The following CAPN1 variants were observed in gnomAD, a reference collection of about 807,000 sequenced individuals.
CAPN1 encodes the protein calpain 1, also known as calpain-1 catalytic subunit.
CAPN1 carries 77 observed loss-of-function variants against 105.2 expected under a neutral mutation model. The ratio of observed to expected loss-of-function variants is 0.73; its 90% CI spans 0.61 to 0.88. CAPN1 has a LOEUF of 0.88. Among genes scored for constraint, CAPN1 ranks in the 40% least tolerant of loss-of-function variants. CAPN1 has a pLI of 0.00. For missense variants in CAPN1, 833 were observed against 976.6 expected (o/e 0.85, Z 1.96); for synonymous variants, 355 against 388.8 (o/e 0.91, Z 1.02).
chr11:65,182,706 C>G lies in CAPN1; in HGVS notation c.5C>G (p.Ser2Trp), dbSNP rs867375600. The change falls in exon 2 of 22, where the codon TCG (serine) becomes TGG (tryptophan). Residue 2 changes from serine to tryptophan, a missense_variant. Ser to Trp is a radical substitution (Grantham distance 177). Transcript: ENST00000279247. ...CAGGCCCATCTGTCCGGCAGGATGTCGGAGGAGATCATCACGCCGGTGTAC... is the reference window on the plus strand; with the variant it reads ...CAGGCCCATCTGTCCGGCAGGATGTGGGAGGAGATCATCACGCCGGTGTAC... M[S>W]EEIITPVYCT... 4 of 1,561,542 alleles carry G rather than the reference C, an allele frequency of 2.6e-6. No homozygotes were observed. The highest frequency in any genetic ancestry group is 1.4e-5 in the African/African-American group (1 of 73,988).
intron 10 of CAPN1, among the ~76,000 whole-genome samples, chr11:65,198,358 G>A (rs1247838524): frequency 6.6e-6 from 1 of 152,058 alleles, no homozygotes; most frequent in Non-Finnish European, 1.5e-5. Flanking sequence ...TGTTACCCAG[G>A]CTGGTCTCAA....
intron 10 of CAPN1, among the ~76,000 whole-genome samples, chr11:65,204,353 TCTG>T (rs1480036926): frequency 6.6e-6 from 1 of 152,020 alleles, no homozygotes; most frequent in Non-Finnish European, 1.5e-5. Context: ...CCGCCTGGCT[TCTG>T]CTTCTCAGCA....
chr11:65,198,443 G>C (rs543828314), intron 10 of CAPN1, among the ~76,000 whole-genome samples: 28 of 152,270 alleles, frequency 1.8e-4, no homozygotes, highest in Middle Eastern at 3.4e-3. Flanking sequence ...ACTGTGCCCA[G>C]CCCTAATCAA....
At position 65,188,311 on chromosome 11, in the gene CAPN1, C is replaced by T; in HGVS notation, c.930-103C>T. 9.2e-7 allele frequency: 1 copy of T among 1,090,478 alleles called. No individual in the cohort carries two copies. Among genetic ancestry groups the T allele is most frequent in the South Asian group, 1.5e-5 (1 of 68,878 alleles). 67.6% of individuals were successfully genotyped at this position (1,090,478 alleles called of 1,614,324 possible). A position where few individuals can be genotyped will look rare whatever the true frequency, so the allele number is the denominator to read the frequency against. On this transcript the variant is annotated intron_variant, in intron 8 of 21. Transcript: ENST00000279247. This position sits in a 1 kb window ranked among gnomAD's most constrained non-coding sequence, Gnocchi z 5.5. Reference sequence around the variant, plus strand: ...TGGCGCTTGACCTTGAGGAGGCCACCTGGGCTGGGCCGGGGGAAGACAGGC... The same window carrying T: ...TGGCGCTTGACCTTGAGGAGGCCACTTGGGCTGGGCCGGGGGAAGACAGGC...
chr11:65,205,578 C>A, intron 11 of CAPN1, 132 bp from the exon 12 acceptor site: 1 of 860,270 alleles, frequency 1.2e-6, no homozygotes, highest in Non-Finnish European at 1.9e-6. Context: ...GATCTGGGTC[C>A]CCAGGGCCCT....
In CAPN1 at chr11:65,187,287, G is replaced by T; in HGVS notation, c.832G>T (p.Gly278Trp). ...LVKGHAYSVT[G>W]AKQVNYRGQV... ...GAAGGGCCATGCCTACTCTGTGACC[G>T]GGGCCAAGCAGGTACTGCCCTGGGT... is the stretch of plus-strand genomic sequence containing the variant. Residue 278 changes from glycine (G) to tryptophan (W), a missense_variant, in exon 7 of 22, where the codon GGG (glycine) becomes TGG (tryptophan). Physicochemically the swap from Gly to Trp is radical, Grantham distance 184. Coordinates refer to ENST00000279247, the MANE Select transcript of CAPN1 (RefSeq NM_005186.4). The T allele has an allele frequency of 1.2e-6, 2 of 1,611,816 alleles. No individual in the cohort carries two copies. The highest frequency in any genetic ancestry group is 1.7e-6 in the Non-Finnish European group (2 of 1,178,578).
chr11:65,202,647 T>C (rs982020323), intron 10 of CAPN1, among the ~76,000 whole-genome samples: 41 of 151,996 alleles, frequency 2.7e-4, no homozygotes, highest in African/African-American at 8.9e-4. Flanking sequence ...TTCACCACGT[T>C]GGCCAGGCTG....
Position 65,209,663 on chromosome 11 carries a change from A to G in CAPN1, c.1795-186A>G, listed in dbSNP as rs1949014524. On this transcript the variant is annotated intron_variant, in intron 17 of 21. Coordinates refer to ENST00000279247, the MANE Select transcript of CAPN1 (RefSeq NM_005186.4). The surrounding 1 kb of genome is among the most constrained non-coding windows in gnomAD (Gnocchi z 4.1). The stretch of plus-strand genomic sequence containing the variant: ...TTCTGACCCCTCCCCAGCCCACTCC[A>G]CTGCAGCCCAGCTCAGAGAATAAGG... 1.5e-6 allele frequency: 1 copy of G among 661,894 alleles called. No individual in the cohort carries two copies. Among genetic ancestry groups the G allele is most frequent in the African/African-American group, 1.8e-5 (1 of 55,280 alleles). 41.0% of individuals were successfully genotyped at this position (661,894 alleles called of 1,614,324 possible). A position where few individuals can be genotyped will look rare whatever the true frequency, so the allele number is the denominator to read the frequency against.
intron 10 of CAPN1, among the ~76,000 whole-genome samples, chr11:65,193,844 T>G (rs1026919799): frequency 6.6e-6 from 1 of 151,824 alleles, no homozygotes; most frequent in Non-Finnish European, 1.5e-5. Flanking sequence ...ATCCTCTCAC[T>G]TCAGCCTCCC....
intron 10 of CAPN1, among the ~76,000 whole-genome samples, chr11:65,192,628 T>C (rs1461233797): frequency 1.9e-5 from 2 of 103,660 alleles, no homozygotes; most frequent in Non-Finnish European, 4.5e-5. Context: ...TTTTTTCTTT[T>C]TCTTTTTCTT....
chr11:65,196,792 A>C (rs570357015), intron 10 of CAPN1, among the ~76,000 whole-genome samples: 1 of 152,328 alleles, frequency 6.6e-6, no homozygotes, highest in East Asian at 1.9e-4. Context: ...TCATAGTAAA[A>C]AAATGTGACC....
At chr11:65,184,858 T>C (rs898807969) in intron 4 of CAPN1, among the ~76,000 whole-genome samples, 1 of 152,136 alleles carries the variant, frequency 6.6e-6, no homozygotes, top group East Asian at 1.9e-4. Context: ...TGTGCTCTTG[T>C]TTAAGTCTTC....
intron 10 of CAPN1, among the ~76,000 whole-genome samples, chr11:65,197,489 T>A (rs1473292598): frequency 1.3e-5 from 2 of 152,324 alleles, no homozygotes; most frequent in Non-Finnish European, 1.5e-5. Context: ...GTTGAATTTT[T>A]AAAATATATC....
rs2271448 is a variant in CAPN1, at chr11:65,209,953, C to T, written c.1863+36C>T. The T allele has an allele frequency of 0.3, 479,840 of 1,611,128 alleles. 73,283 individuals are homozygous for T. The highest frequency in any genetic ancestry group is 0.43 in the Admixed American group (25,563 of 59,924). ...CCCACTCACCTCAGTCATGCAGGTG[C>T]GGGCCGGGCAGGTGGGAAGGGCCGG... On this transcript the variant is annotated intron_variant, in intron 18 of 21. Coordinates refer to ENST00000279247, the MANE Select transcript of CAPN1 (RefSeq NM_005186.4). The surrounding 1 kb of genome is among the most constrained non-coding windows in gnomAD (Gnocchi z 4.1).
chr11:65,185,697 T>C lies in CAPN1; in HGVS notation c.457-220T>C, dbSNP rs17881673. ...TCTAGAGGTACACATGCATCTAGTA[T>C]GTATCTAGTATATGTGATTTAGTAT... On this transcript the variant is annotated intron_variant, in intron 4 of 21. Transcript: ENST00000279247. Among the ~76,000 whole-genome samples the C allele has an allele frequency of 5.6e-3, 840 of 150,548 alleles. 11 individuals are homozygous for C. Among genetic ancestry groups the C allele is most frequent in the African/African-American group, 0.019 (756 of 40,854 alleles).
chr11:65,186,023 G>C lies in CAPN1; in HGVS notation c.563G>C (p.Ser188Thr). 1 of 1,611,238 alleles carries C rather than the reference G, an allele frequency of 6.2e-7. No individual in the cohort carries two copies. Residue 188 changes from serine to threonine, a missense_variant, in exon 5 of 22, where the codon AGC becomes ACC. Physicochemically the swap from Ser to Thr is moderately conservative, Grantham distance 58. Coordinates refer to ENST00000279247, the MANE Select transcript of CAPN1 (RefSeq NM_005186.4). Reference protein sequence around the residue: ...VHSAEGNEFWSALLEKAYAKV... With the variant: ...VHSAEGNEFWTALLEKAYAKV... ...TCTGCCGAAGGCAACGAGTTCTGGA[G>C]CGCCCTGCTTGAGAAGGCCTATGCC...
At position 65,209,672 on chromosome 11, in the gene CAPN1, C is replaced by A; in HGVS notation, c.1795-177C>A. ...CTCCCCAGCCCACTCCACTGCAGCC[C>A]AGCTCAGAGAATAAGGCAAGCCCGG... On this transcript the variant is annotated intron_variant, in intron 17 of 21. Coordinates refer to ENST00000279247, the MANE Select transcript of CAPN1 (RefSeq NM_005186.4). This position sits in a 1 kb window ranked among gnomAD's most constrained non-coding sequence, Gnocchi z 4.1. 4.4e-6 allele frequency: 3 copies of A among 682,148 alleles called. No homozygotes were observed. Among genetic ancestry groups the A allele is most frequent in the Non-Finnish European group, 5.1e-6 (2 of 391,852 alleles). 42.3% of individuals were successfully genotyped at this position (682,148 alleles called of 1,614,324 possible).
intron 10 of CAPN1, among the ~76,000 whole-genome samples, chr11:65,193,268 T>C (rs1948744738): frequency 6.6e-6 from 1 of 151,936 alleles, no homozygotes; most frequent in South Asian, 2.1e-4. Context: ...CGTGAGCCAC[T>C]GCACCCAGCC....
chr11:65,208,345 C>A lies in CAPN1; in HGVS notation c.1729+83C>A. ...GCTCCTGCTCACACATTGAGCTGAACCTCATCCCTTGGTCTGCATGAGTCG... is the reference window on the plus strand; with the variant it reads ...GCTCCTGCTCACACATTGAGCTGAAACTCATCCCTTGGTCTGCATGAGTCG... On this transcript the variant is annotated intron_variant, in intron 16 of 21. Coordinates refer to ENST00000279247, the MANE Select transcript of CAPN1 (RefSeq NM_005186.4). The surrounding 1 kb of genome is among the most constrained non-coding windows in gnomAD (Gnocchi z 4.1). The A allele has an allele frequency of 7.6e-7, 1 of 1,308,554 alleles. No homozygotes were observed. Among genetic ancestry groups the A allele is most frequent in the African/African-American group, 1.5e-5 (1 of 68,256 alleles). The allele number at this position is 1,308,554 out of a possible 1,614,324, so 81.1% of individuals were successfully genotyped here. A position where few individuals can be genotyped will look rare whatever the true frequency, so the allele number is the denominator to read the frequency against.
Sources: gnomAD v4.1 joint callset for allele counts (sites outside exome capture counted in the v4.1 genomes callset) on GRCh38, gnomAD v4.1.1 for gene constraint, Gnocchi (gnomAD v3.1) non-coding constraint, MANE v1.5 for transcripts, NCBI Gene and HGNC (gene_info 2026-07-23, HGNC 2026-07-21) for gene names.